The following EYS variants were observed in gnomAD, a reference collection of about 807,000 sequenced individuals.
The protein encoded by EYS is EGF-like photoreceptor maintenance factor.
A neutral mutation model predicts 282.1 loss-of-function variants in EYS; 250 were observed. The observed-to-expected ratio is 0.89, with a 90% CI of 0.80 to 0.98. The LOEUF (loss-of-function observed/expected upper bound fraction) is 0.98, where lower values mean the gene tolerates loss of function less well. EYS is among the 50% of genes least tolerant of loss of function. EYS has a pLI of 0.00. For missense variants in EYS, 4,016 were observed against 3,709.0 expected (o/e 1.08, Z -2.15); for synonymous variants, 1,355 against 1,282.9 (o/e 1.06, Z -1.20).
At chr6:64,807,683 A>G (rs1764473766) in intron 22 of EYS, among the ~76,000 whole-genome samples, 1 of 152,102 alleles carries the variant, frequency 6.6e-6, no homozygotes. Flanking sequence ...TAAAACATAC[A>G]TTACTAAAAA....
chr6:64,618,429 G>A (rs1377188735), intron 23 of EYS, among the ~76,000 whole-genome samples: 1 of 152,052 alleles, frequency 6.6e-6, no homozygotes, highest in Non-Finnish European at 1.5e-5. Context: ...ACTGCTCACT[G>A]ACTATGCTTA....
intron 26 of EYS, among the ~76,000 whole-genome samples, chr6:64,564,621 T>C (rs557266284): frequency 6.6e-6 from 1 of 152,140 alleles, no homozygotes; most frequent in South Asian, 2.1e-4. Context: ...ATGTGCAGAA[T>C]GTACAGGTTT....
Position 64,784,894 on chromosome 6 carries a change from T to C in EYS, c.3443+28484A>G, listed in dbSNP as rs78514176. Among the ~76,000 whole-genome samples, 761 of 152,246 alleles carry C rather than the reference T, an allele frequency of 5.0e-3. 3 individuals are homozygous for C. The highest frequency in any genetic ancestry group is 9.4e-3 in the Admixed American group (144 of 15,286). On this transcript the variant is annotated intron_variant, in intron 22 of 42. Coordinates refer to ENST00000503581, the MANE Select transcript of EYS (RefSeq NM_001142800.2). ...GATTGTACAGCCCTTAGATCAGTTG[T>C]ATTCGAGGCCCCTTTTCTGCCCTCT...
chr6:64,942,536 C>T (rs1285227884), intron 15 of EYS, among the ~76,000 whole-genome samples: 2 of 148,362 alleles, frequency 1.3e-5, no homozygotes, highest in African/African-American at 5.0e-5. Context: ...ACAAAGGTGA[C>T]ATTACAACTG....
At chr6:64,847,366 A>T (rs1420802484) in intron 19 of EYS, among the ~76,000 whole-genome samples, 1 of 152,102 alleles carries the variant, frequency 6.6e-6, no homozygotes, top group Non-Finnish European at 1.5e-5. Flanking sequence ...CCAATCAAAA[A>T]TGATTTACAA....
At chr6:65,378,530 C>T (rs1257522215) in intron 8 of EYS, among the ~76,000 whole-genome samples, 2 of 152,136 alleles carry the variant, frequency 1.3e-5, no homozygotes, top group African/African-American at 4.8e-5. Flanking sequence ...AATCCCATTA[C>T]TGGGTATATA....
chr6:65,443,243 C>A (rs890608209), intron 5 of EYS, among the ~76,000 whole-genome samples: 1 of 151,444 alleles, frequency 6.6e-6, no homozygotes, highest in African/African-American at 2.4e-5. Flanking sequence ...AACATATAGA[C>A]ATATGTGTAT....
At chr6:63,986,146 A>G (rs1034364565) in intron 34 of EYS, among the ~76,000 whole-genome samples, 1 of 151,962 alleles carries the variant, frequency 6.6e-6, no homozygotes, top group Non-Finnish European at 1.5e-5. Flanking sequence ...GAAGATATAC[A>G]TGCGGCCAAA....
chr6:65,322,481 C>T (rs1769501164), intron 11 of EYS, among the ~76,000 whole-genome samples: 1 of 152,038 alleles, frequency 6.6e-6, no homozygotes, highest in South Asian at 2.1e-4. Context: ...GGAATATATC[C>T]ATGCGACCAG....
chr6:64,658,458 C>G (rs1417160901), intron 22 of EYS, among the ~76,000 whole-genome samples: 1 of 152,122 alleles, frequency 6.6e-6, no homozygotes, highest in Non-Finnish European at 1.5e-5. Context: ...TTTTTCTGCT[C>G]TCTGTTTTTT....
chr6:63,721,450 T>G lies in EYS; in HGVS notation c.8581A>C (p.Thr2861Pro). ...VIINNQELQL[T>P]EFGAKGGSNV... The stretch of plus-strand genomic sequence containing the variant: ...GAGCCACCTTTTGCTCCAAATTCAG[T>G]TAATTGTAATTCTTGATTATTTATG... The change falls in exon 43 of 43, where the codon ACT becomes CCT. Residue 2861 changes from threonine (T) to proline (P), a missense_variant. Coordinates refer to ENST00000503581, the MANE Select transcript of EYS (RefSeq NM_001142800.2). The G allele has an allele frequency of 6.4e-7, 1 of 1,551,680 alleles. No individual in the cohort carries two copies.
chr6:64,643,526 T>C (rs1768245914), intron 22 of EYS, among the ~76,000 whole-genome samples: 1 of 151,898 alleles, frequency 6.6e-6, no homozygotes, highest in South Asian at 2.1e-4. Flanking sequence ...GGGGTGAGAG[T>C]AGGTGTAGGG....
chr6:64,264,317 C>T (rs1767685416), intron 30 of EYS, among the ~76,000 whole-genome samples: 1 of 152,130 alleles, frequency 6.6e-6, no homozygotes, highest in Non-Finnish European at 1.5e-5. Flanking sequence ...CTTCTTTGTT[C>T]ACCTAGGCTT....
chr6:65,461,515 C>A (rs911919585), intron 5 of EYS, among the ~76,000 whole-genome samples: 3 of 152,004 alleles, frequency 2.0e-5, no homozygotes, highest in Non-Finnish European at 4.4e-5. Context: ...GCCCTCTCTG[C>A]GATTTGGGTT....
intron 30 of EYS, among the ~76,000 whole-genome samples, chr6:64,264,710 G>C (rs1431222064): frequency 6.6e-6 from 1 of 152,086 alleles, no homozygotes; most frequent in African/African-American, 2.4e-5. Flanking sequence ...AGGAGTTTGA[G>C]ACCAGCCTGG....
At chr6:65,128,664 A>G (rs141166998) in intron 12 of EYS, among the ~76,000 whole-genome samples, 3 of 152,182 alleles carry the variant, frequency 2.0e-5, no homozygotes, top group Non-Finnish European at 2.9e-5. Flanking sequence ...CTCCTGAGAG[A>G]TTACACAAAT....
chr6:65,622,751 CTTTCTT>C (rs1766558605), intron 2 of EYS, among the ~76,000 whole-genome samples: 1 of 125,500 alleles, frequency 8.0e-6, no homozygotes, highest in Non-Finnish European at 1.8e-5. Context: ...TAGGAATAAT[CTTTCTT>C]TTTTTTTTTT....
chr6:63,901,520 G>A (rs1015693205), intron 35 of EYS, among the ~76,000 whole-genome samples: 1 of 152,156 alleles, frequency 6.6e-6, no homozygotes, highest in Non-Finnish European at 1.5e-5. Context: ...AATCCAAGAA[G>A]TTTAATGAAC....
intron 26 of EYS, among the ~76,000 whole-genome samples, chr6:64,485,440 A>G (rs1776551902): frequency 6.6e-6 from 1 of 151,536 alleles, no homozygotes; most frequent in South Asian, 2.1e-4. Flanking sequence ...GTGACAGTGG[A>G]CTGACTATGT....
Sources: gnomAD v4.1 joint callset for allele counts (sites outside exome capture counted in the v4.1 genomes callset) on GRCh38, gnomAD v4.1.1 for gene constraint, MANE v1.5 for transcripts, NCBI Gene and HGNC (gene_info 2026-07-23, HGNC 2026-07-21) for gene names.